The following PDE3B variants were observed in gnomAD, a reference collection of about 807,000 sequenced individuals.
The protein encoded by PDE3B is cGMP-inhibited 3',5'-cyclic phosphodiesterase 3B.
In PDE3B, 66 loss-of-function variants were observed where a neutral mutation model predicts 116.8. The observed-to-expected ratio is 0.56, with a 90% CI of 0.46 to 0.69. The LOEUF (loss-of-function observed/expected upper bound fraction) is 0.69. Ranked by LOEUF, PDE3B falls within the 30% of genes least tolerant of loss-of-function variation. PDE3B has a pLI of 0.00. For synonymous variants in PDE3B, 595 were observed against 533.6 expected (o/e 1.12, Z -1.59); for missense variants, 1,384 against 1,368.1 (o/e 1.01, Z -0.18).
chr11:14,786,438 A>G lies in PDE3B; in HGVS notation c.1031A>G (p.Asn344Ser). 6.2e-7 allele frequency: 1 copy of G among 1,609,206 alleles called. No homozygotes were observed. Among genetic ancestry groups the G allele is most frequent in the East Asian group, 2.2e-5 (1 of 44,740 alleles). ...AAATTTCACTTTTTTTCTTTCTAGA[A>G]TTCTGGAGGTGGAAATGGAGTTGAT... ...LKQWYKPHYQ[N>S]SGGGNGVDLS... Residue 344 changes from asparagine to serine, a missense_variant and splice_region_variant, in exon 3 of 16, where the codon AAT (asparagine) becomes AGT (serine). Transcript: ENST00000282096.
At chr11:14,657,823 T>G (rs1302190031) in intron 1 of PDE3B, among the ~76,000 whole-genome samples, 2 of 152,074 alleles carry the variant, frequency 1.3e-5, no homozygotes, top group African/African-American at 4.8e-5. Context: ...GTTTGAGAGG[T>G]CTCAAAAAAT....
In PDE3B at chr11:14,830,859, C is replaced by T; in HGVS notation, c.1956+13C>T. 6.8e-7 allele frequency: 1 copy of T among 1,470,702 alleles called. No homozygotes were observed. Among genetic ancestry groups the T allele is most frequent in the Non-Finnish European group, 9.0e-7 (1 of 1,109,952 alleles). The allele number at this position is 1,470,702 out of a possible 1,614,324, so 91.1% of individuals were successfully genotyped here. ...ACAGCAAACAAATGTAAAAGATAAA[C>T]TTTCAATATGATTATGTTAAGGTGA... On this transcript the variant is annotated intron_variant, in intron 8 of 15. Transcript: ENST00000282096.
chr11:14,850,740 A>C (rs1011948298), intron 12 of PDE3B, among the ~76,000 whole-genome samples: 1 of 152,190 alleles, frequency 6.6e-6, no homozygotes, highest in African/African-American at 2.4e-5. Flanking sequence ...CACAATTTGC[A>C]TGAAAGAGGC....
intron 1 of PDE3B, among the ~76,000 whole-genome samples, chr11:14,738,188 C>T (rs558346903): frequency 2.0e-5 from 3 of 152,248 alleles, no homozygotes; most frequent in Admixed American, 6.5e-5. Context: ...CCTGAGGAAT[C>T]GCCACACTGA....
intron 1 of PDE3B, among the ~76,000 whole-genome samples, chr11:14,648,143 A>G (rs2133743386): frequency 6.6e-6 from 1 of 152,058 alleles, no homozygotes; most frequent in East Asian, 1.9e-4. Flanking sequence ...TGCCATTTTA[A>G]TTGCATATTC....
At chr11:14,677,487 C>T (rs903020085) in intron 1 of PDE3B, among the ~76,000 whole-genome samples, 10 of 152,032 alleles carry the variant, frequency 6.6e-5, no homozygotes, top group Admixed American at 1.3e-4. Flanking sequence ...AACATATTCT[C>T]AATATTTCCC....
intron 15 of PDE3B, 71 bp from the exon 16 acceptor site, chr11:14,869,390 G>A: frequency 8.0e-7 from 1 of 1,251,374 alleles, no homozygotes; most frequent in Non-Finnish European, 1.1e-6. Flanking sequence ...ACCTAGAATA[G>A]GCACTTAATA....
At chr11:14,736,153 T>C (rs975152446) in intron 1 of PDE3B, among the ~76,000 whole-genome samples, 1 of 152,174 alleles carries the variant, frequency 6.6e-6, no homozygotes, top group African/African-American at 2.4e-5. Flanking sequence ...GATGGGCTTA[T>C]TACTGTGGCC....
At position 14,771,971 on chromosome 11, in the gene PDE3B, A is replaced by G. The variant is rs1463055474; in HGVS notation, c.1013A>G (p.Tyr338Cys). ...TGGGATTGGGACTTAAAACAATGGT[A>G]TAAGCCTCATTATCAAGTAAGTATA... ...ILWDWDLKQW[Y>C]KPHYQNSGGG... Residue 338 changes from tyrosine (Y) to cysteine (C), a missense_variant, in exon 2 of 16, where the codon TAT (tyrosine) becomes TGT (cysteine). By Grantham distance (194) the Tyr-to-Cys change is radical. Around this residue, in one of 2 missense-constraint regions of PDE3B, gnomAD observed 956 missense variants for 806.8 expected, o/e 1.18. Transcript: ENST00000282096. 4.4e-6 allele frequency: 6 copies of G among 1,356,768 alleles called. No individual in the cohort carries two copies. The highest frequency in any genetic ancestry group is 6.0e-6 in the Non-Finnish European group (6 of 993,586). 84.0% of individuals were successfully genotyped at this position (1,356,768 alleles called of 1,614,324 possible).
At chr11:14,750,491 G>A (rs1857029732) in intron 1 of PDE3B, among the ~76,000 whole-genome samples, 1 of 151,586 alleles carries the variant, frequency 6.6e-6, no homozygotes, top group Admixed American at 6.6e-5. Flanking sequence ...GCAGATATTT[G>A]GAAATATTGA....
intron 1 of PDE3B, among the ~76,000 whole-genome samples, chr11:14,734,136 A>T (rs1856534865): frequency 6.6e-6 from 1 of 152,204 alleles, no homozygotes; most frequent in Non-Finnish European, 1.5e-5. Context: ...CAGTGGCATG[A>T]TCACAGCTCA....
At chr11:14,882,036 C>T in the PDE3B span, among the ~76,000 whole-genome samples, 1 of 152,176 alleles carries the variant, frequency 6.6e-6, no homozygotes, top group Middle Eastern at 3.4e-3. Flanking sequence ...TAAAAAGTTA[C>T]TGTAAGGGGG....
At chr11:14,750,531 A>G (rs1395199501) in intron 1 of PDE3B, among the ~76,000 whole-genome samples, 2 of 152,022 alleles carry the variant, frequency 1.3e-5, no homozygotes, top group African/African-American at 4.8e-5. Flanking sequence ...TGAATATTAT[A>G]TATAATTTCC....
At chr11:14,823,195 A>G (rs1859577320) in intron 7 of PDE3B, among the ~76,000 whole-genome samples, 2 of 152,192 alleles carry the variant, frequency 1.3e-5, no homozygotes, top group Non-Finnish European at 1.5e-5. Context: ...AGGAAGTCCA[A>G]GGTGACTAGG....
chr11:14,789,023 A>G (rs1858302709), intron 3 of PDE3B, 83 bp from the exon 4 acceptor site: 1 of 924,682 alleles, frequency 1.1e-6, no homozygotes, highest in Admixed American at 2.7e-5. Flanking sequence ...CTTTGTATTG[A>G]TACTTTCATG....
chr11:14,743,562 T>A (rs1856824042), intron 1 of PDE3B, among the ~76,000 whole-genome samples: 1 of 152,062 alleles, frequency 6.6e-6, no homozygotes, highest in African/African-American at 2.4e-5. Context: ...CTTTCCAGGG[T>A]AGTGAACAGT....
At chr11:14,799,363 A>G (rs1184885268) in intron 4 of PDE3B, among the ~76,000 whole-genome samples, 1 of 152,200 alleles carries the variant, frequency 6.6e-6, no homozygotes, top group Non-Finnish European at 1.5e-5. Context: ...TACGTGGTCA[A>G]TCTTAGAATA....
chr11:14,894,561 C>T, the PDE3B span, among the ~76,000 whole-genome samples: 1 of 152,096 alleles, frequency 6.6e-6, no homozygotes, highest in Non-Finnish European at 1.5e-5. Context: ...AGGAGCATTC[C>T]TTCTTTGGCA....
chr11:14,882,961 G>C, the PDE3B span, among the ~76,000 whole-genome samples: 9 of 152,140 alleles, frequency 5.9e-5, no homozygotes, highest in Non-Finnish European at 1.0e-4. Context: ...AAATACCTAG[G>C]AATCCAACTT....
Sources: allele counts gnomAD v4.1 joint callset (sites outside exome capture counted in the v4.1 genomes callset), GRCh38; gene constraint gnomAD v4.1.1; regional missense constraint gnomAD v4.1.1; transcripts MANE v1.5; gene names NCBI Gene and HGNC (gene_info 2026-07-23, HGNC 2026-07-21).